Variants in FCHO2 observed in about 807,000 individuals in gnomAD.
FCHO2 encodes the protein F-BAR domain only protein 2.
A neutral mutation model predicts 114.1 loss-of-function variants in FCHO2; 43 were observed. The observed-to-expected ratio is 0.38, with a 90% CI of 0.30 to 0.49. The LOEUF (loss-of-function observed/expected upper bound fraction) is 0.49. FCHO2 is among the 20% of genes least tolerant of loss of function. The pLI, the probability that FCHO2 is intolerant of heterozygous loss-of-function variation, is 0.97. For synonymous variants in FCHO2, 293 were observed against 315.2 expected (o/e 0.93, Z 0.75); for missense variants, 807 against 950.4 (o/e 0.85, Z 1.98).
chr5:72,967,862 C>T (rs764959807), intron 1 of FCHO2, among the ~76,000 whole-genome samples: 1 of 151,610 alleles, frequency 6.6e-6, no homozygotes, highest in Admixed American at 6.6e-5. Flanking sequence ...TCAAGTGATC[C>T]GCCTGCCTCC....
At position 72,989,512 on chromosome 5, in the gene FCHO2, TTCTTCC is replaced by T; in HGVS notation, c.200+16_200+21del. 6.3e-7 allele frequency: 1 copy of T among 1,587,822 alleles called. No homozygotes were observed. The highest frequency in any genetic ancestry group is 1.2e-5 in the South Asian group (1 of 86,892). On this transcript the variant is annotated intron_variant, in intron 3 of 25. Transcript: ENST00000430046. ...TTATTCACAACTTGGGTGAGTTAAT[TTCTTCC>T]TCTTTTTCAGTGTTTATTTAGGCAA...
intron 8 of FCHO2, among the ~76,000 whole-genome samples, chr5:73,019,620 T>G (rs1321308924): frequency 6.6e-6 from 1 of 152,194 alleles, no homozygotes; most frequent in East Asian, 1.9e-4. Context: ...TGGGATAAGT[T>G]AACGCTAATC....
At chr5:72,960,435 A>C (rs1459079821) in intron 1 of FCHO2, among the ~76,000 whole-genome samples, 1 of 152,232 alleles carries the variant, frequency 6.6e-6, no homozygotes, top group Non-Finnish European at 1.5e-5. Context: ...ATTGGACGCA[A>C]AAATAATTTT....
intron 2 of FCHO2, among the ~76,000 whole-genome samples, chr5:72,972,600 G>A (rs980797012): frequency 2.6e-5 from 4 of 152,152 alleles, no homozygotes; most frequent in South Asian, 2.1e-4. Context: ...GGAGATTTTG[G>A]GCTGAGACAA....
intron 2 of FCHO2, among the ~76,000 whole-genome samples, chr5:72,973,262 G>T (rs1425963277): frequency 2.0e-5 from 3 of 152,082 alleles, no homozygotes; most frequent in Non-Finnish European, 4.4e-5. Context: ...GATTGGAATA[G>T]TTTCAGAAGG....
intron 20 of FCHO2, 42 bp from the exon 21 acceptor site, chr5:73,077,296 T>C: frequency 6.6e-7 from 1 of 1,526,380 alleles, no homozygotes; most frequent in Non-Finnish European, 8.8e-7. Context: ...AAATAGAGAT[T>C]AGAGCATTTT....
At chr5:72,964,055 A>C (rs1752043695) in intron 1 of FCHO2, among the ~76,000 whole-genome samples, 1 of 151,942 alleles carries the variant, frequency 6.6e-6, no homozygotes, top group African/African-American at 2.4e-5. Context: ...TTGTTGGTTT[A>C]GTTTTTTTAT....
At chr5:72,998,473 C>T (rs1754249012) in intron 5 of FCHO2, among the ~76,000 whole-genome samples, 3 of 151,094 alleles carry the variant, frequency 2.0e-5, no homozygotes, top group South Asian at 4.2e-4. Flanking sequence ...GGCAACAGAG[C>T]GAAACTCCGT....
intron 1 of FCHO2, among the ~76,000 whole-genome samples, chr5:72,956,453 C>G (rs1393084112): frequency 6.6e-6 from 1 of 151,380 alleles, no homozygotes; most frequent in Non-Finnish European, 1.5e-5. Context: ...TGCCGCGCTC[C>G]GCGCGGGGCG....
Position 73,017,310 on chromosome 5 carries a change from TA to T in FCHO2, c.796+4del. 6.5e-7 allele frequency: 1 copy of T among 1,534,784 alleles called. No homozygotes were observed. The highest frequency in any genetic ancestry group is 1.2e-5 in the South Asian group (1 of 80,692). On this transcript the variant is annotated splice_donor_region_variant and intron_variant, in intron 8 of 25. Transcript: ENST00000430046. ...AAGGCACTGGGAAGGAAAGACCTGG[TA>T]AGATGATAAACTCTGCAAGGAAACA...
chr5:73,004,629 CT>C (rs528742529), intron 5 of FCHO2, among the ~76,000 whole-genome samples: 4 of 148,336 alleles, frequency 2.7e-5, no homozygotes, highest in African/African-American at 9.8e-5. Context: ...ACTACTACAG[CT>C]TTTTTTAAAA....
At chr5:72,991,604 T>A (rs974903335) in intron 5 of FCHO2, among the ~76,000 whole-genome samples, 4 of 152,276 alleles carry the variant, frequency 2.6e-5, no homozygotes, top group Admixed American at 6.5e-5. Context: ...CACAACCTTT[T>A]CTTCCATTTA....
intron 13 of FCHO2, among the ~76,000 whole-genome samples, chr5:73,053,848 A>G (rs1757450916): frequency 6.6e-6 from 1 of 152,072 alleles, no homozygotes; most frequent in South Asian, 2.1e-4. Context: ...TGAGATTGTG[A>G]ATAGTTTTAA....
At chr5:72,987,699 C>A (rs943480017) in intron 2 of FCHO2, among the ~76,000 whole-genome samples, 1 of 152,144 alleles carries the variant, frequency 6.6e-6, no homozygotes, top group African/African-American at 2.4e-5. Flanking sequence ...TAAACTCACA[C>A]ATTGATATAC....
rs577976073 is a variant in FCHO2 at position 73,084,910 on chromosome 5, A to T, written c.2245+2085A>T. On this transcript the variant is annotated intron_variant, in intron 24 of 25. Transcript: ENST00000430046. ...ATAGCTTTTTGTGAGCCAAGCTGAA[A>T]TTCCTAGTTTAAATTGAAGTAAACC... Among the ~76,000 whole-genome samples the T allele has an allele frequency of 2.6e-5, 4 of 152,364 alleles. No homozygotes were observed. The East Asian group carries it at 5.8e-4, about 22-fold the overall frequency.
In FCHO2 at chr5:72,969,392, A is replaced by G. The variant is rs557893662; in HGVS notation, c.125+803A>G. The stretch of plus-strand genomic sequence containing the variant: ...CAGACTGATAGGAATTGGGGAATAA[A>G]CTATTCTATAAGTTCGGTTCTTTTC... On this transcript the variant is annotated intron_variant, in intron 2 of 25. Transcript: ENST00000430046. Among the ~76,000 whole-genome samples, 8 of 152,306 alleles carry G rather than the reference A, an allele frequency of 5.3e-5. No individual in the cohort carries two copies. In the South Asian group the frequency reaches 1.4e-3, roughly 28 times the overall value.
intron 2 of FCHO2, among the ~76,000 whole-genome samples, chr5:72,976,183 G>A (rs1305118882): frequency 6.6e-6 from 1 of 152,066 alleles, no homozygotes; most frequent in African/African-American, 2.4e-5. Flanking sequence ...AGTATATAGT[G>A]GTATCTTATC....
At chr5:72,988,951 A>G (rs941321566) in intron 2 of FCHO2, among the ~76,000 whole-genome samples, 1 of 152,168 alleles carries the variant, frequency 6.6e-6, no homozygotes, top group Admixed American at 6.6e-5. Flanking sequence ...GCTCATGCCT[A>G]TGATCTCAGC....
chr5:73,007,794 A>G (rs1314390383), intron 6 of FCHO2, among the ~76,000 whole-genome samples: 5 of 152,216 alleles, frequency 3.3e-5, no homozygotes, highest in Non-Finnish European at 5.9e-5. Flanking sequence ...ATATAAAGTT[A>G]TAAATTATTA....
Sources: allele counts gnomAD v4.1 joint callset (sites outside exome capture counted in the v4.1 genomes callset), GRCh38; gene constraint gnomAD v4.1.1; transcripts MANE v1.5; gene names NCBI Gene and HGNC (gene_info 2026-07-23, HGNC 2026-07-21).